The following LINGO2 variants were observed in gnomAD, a reference collection of about 807,000 sequenced individuals.
The protein encoded by LINGO2 is leucine-rich repeat and immunoglobulin-like domain-containing nogo receptor-interacting protein 2.
LINGO2 carries 14 observed loss-of-function variants against 30.6 expected under a neutral mutation model. The ratio of observed to expected loss-of-function variants is 0.46; its 90% CI spans 0.30 to 0.72. LINGO2 has a LOEUF of 0.72. LINGO2 is among the 30% of genes least tolerant of loss of function. LINGO2 has a pLI of 0.07. For synonymous variants in LINGO2, 317 were observed against 288.5 expected, an observed-to-expected ratio of 1.10 and a Z score of -1.00; for missense variants, 729 against 751.7, an observed-to-expected ratio of 0.97 and a Z score of 0.35.
intron 4 of LINGO2, among the ~76,000 whole-genome samples, chr9:28,196,584 T>C (rs921418835): frequency 6.6e-6 from 1 of 151,924 alleles, no homozygotes; most frequent in African/African-American, 2.4e-5. Context: ...TAATTTTTAC[T>C]AAGAAACAGA....
intron 2 of LINGO2, among the ~76,000 whole-genome samples, chr9:28,431,143 C>A (rs1823660777): frequency 6.6e-6 from 1 of 150,960 alleles, no homozygotes; most frequent in Admixed American, 6.6e-5. Flanking sequence ...CATATGTCAC[C>A]TTCTATTCAT....
At chr9:28,039,805 G>A (rs1292077387) in intron 4 of LINGO2, among the ~76,000 whole-genome samples, 1 of 152,128 alleles carries the variant, frequency 6.6e-6, no homozygotes, top group Non-Finnish European at 1.5e-5. Context: ...ACAAATGCCA[G>A]TGCCTCCCTT....
intron 5 of LINGO2, among the ~76,000 whole-genome samples, chr9:27,983,243 C>T (rs1242297341): frequency 6.6e-6 from 1 of 151,852 alleles, no homozygotes; most frequent in Non-Finnish European, 1.5e-5. Flanking sequence ...ACATAAAAAG[C>T]ATTAGTTAAT....
intron 3 of LINGO2, among the ~76,000 whole-genome samples, chr9:28,303,823 G>T (rs537649201): frequency 6.6e-6 from 1 of 152,080 alleles, no homozygotes; most frequent in Non-Finnish European, 1.5e-5. Context: ...TGTCTCTGGG[G>T]TGGCAGAAGA....
chr9:28,013,677 T>C (rs1822673809), intron 4 of LINGO2, among the ~76,000 whole-genome samples: 1 of 152,230 alleles, frequency 6.6e-6, no homozygotes, highest in Admixed American at 6.5e-5. Context: ...GGAGCTTTGC[T>C]TTATGGTTGG....
At chr9:28,379,929 T>C (rs1047362090) in intron 2 of LINGO2, among the ~76,000 whole-genome samples, 14 of 152,006 alleles carry the variant, frequency 9.2e-5, no homozygotes, top group African/African-American at 3.4e-4. Flanking sequence ...CTAGAGAAAT[T>C]TGAAGTAACA....
At chr9:28,841,606 G>A in the LINGO2 span, among the ~76,000 whole-genome samples, 1 of 151,640 alleles carries the variant, frequency 6.6e-6, no homozygotes, top group East Asian at 1.9e-4. Context: ...ACCAGAAGAT[G>A]ACAACGGCAA....
intron 2 of LINGO2, among the ~76,000 whole-genome samples, chr9:28,421,189 TTAATTTA>T (rs1201986832): frequency 6.6e-6 from 1 of 151,756 alleles, no homozygotes; most frequent in Admixed American, 6.6e-5. Flanking sequence ...AGAAAACAAT[TTAATTTA>T]TAATAGCATC....
the LINGO2 span, among the ~76,000 whole-genome samples, chr9:29,206,408 C>T: frequency 2.0e-5 from 3 of 152,206 alleles, no homozygotes; most frequent in South Asian, 2.1e-4. Flanking sequence ...CCCTTGCCAA[C>T]ACAAGGAGTC....
At chr9:28,274,050 A>G (rs1053989384) in intron 4 of LINGO2, among the ~76,000 whole-genome samples, 3 of 152,114 alleles carry the variant, frequency 2.0e-5, no homozygotes, top group Admixed American at 2.0e-4. Context: ...AGATGGGGAG[A>G]ATTGGATATA....
the LINGO2 span, among the ~76,000 whole-genome samples, chr9:28,930,088 TCA>T: frequency 6.6e-6 from 1 of 152,180 alleles, no homozygotes; most frequent in African/African-American, 2.4e-5. This position sits in a 1 kb window ranked among gnomAD's most constrained non-coding sequence, Gnocchi z 4.2. Context: ...CTACCCCTTT[TCA>T]CACTTTGTTC....
chr9:28,268,677 A>G (rs1228930471), intron 4 of LINGO2, among the ~76,000 whole-genome samples: 1 of 152,128 alleles, frequency 6.6e-6, no homozygotes, highest in Non-Finnish European at 1.5e-5. Context: ...TATGCTTTTC[A>G]TCAATTGCCT....
chr9:28,122,771 C>G (rs1267070035), intron 4 of LINGO2, among the ~76,000 whole-genome samples: 2 of 152,240 alleles, frequency 1.3e-5, no homozygotes, highest in South Asian at 2.1e-4. Context: ...TTTTTCAATT[C>G]ATTTCATATA....
Position 28,177,636 on chromosome 9 carries a change from T to C in LINGO2, c.-87+117572A>G, listed in dbSNP as rs140790068. Reference sequence around the variant, plus strand: ...GACACATTAAATGTTCCAACAAATATTGTTATGATTGCTATGGTGGAAATA... The same window carrying C: ...GACACATTAAATGTTCCAACAAATACTGTTATGATTGCTATGGTGGAAATA... On this transcript the variant is annotated intron_variant, in intron 4 of 5. Coordinates refer to ENST00000379992, the Ensembl canonical transcript of LINGO2. 1.6e-3 allele frequency among the ~76,000 whole-genome samples: 239 copies of C among 152,214 alleles called. 3 individuals are homozygous for C. Among genetic ancestry groups the C allele is most frequent in the African/African-American group, 4.8e-3 (201 of 41,526 alleles).
chr9:28,100,296 A>G (rs1355841018), intron 4 of LINGO2, among the ~76,000 whole-genome samples: 1 of 152,178 alleles, frequency 6.6e-6, no homozygotes, highest in East Asian at 1.9e-4. Flanking sequence ...ATCTCTTACA[A>G]TGTGAGCTCT....
At chr9:28,556,032 C>T (rs1054087065) in intron 1 of LINGO2, among the ~76,000 whole-genome samples, 1 of 152,048 alleles carries the variant, frequency 6.6e-6, no homozygotes, top group African/African-American at 2.4e-5. Context: ...AACCGACAGC[C>T]AATATCATAC....
chr9:29,068,339 T>A, the LINGO2 span, among the ~76,000 whole-genome samples: 1 of 151,792 alleles, frequency 6.6e-6, no homozygotes, highest in East Asian at 1.9e-4. Context: ...CCACCGCATA[T>A]AAAAAATAAG....
At chr9:28,494,701 A>G (rs989439212) in intron 1 of LINGO2, among the ~76,000 whole-genome samples, 4 of 152,234 alleles carry the variant, frequency 2.6e-5, no homozygotes, top group Admixed American at 6.5e-5. Context: ...TCTTTAAAGC[A>G]GCATGATTTA....
At chr9:28,611,119 A>G (rs148412536) in intron 1 of LINGO2, among the ~76,000 whole-genome samples, 2,016 of 152,284 alleles carry the variant, frequency 0.013, 45 homozygotes, top group African/African-American at 0.046. Flanking sequence ...GTTTTTGAAG[A>G]GAGGTTCTAT....
Sources: allele counts gnomAD v4.1 joint callset (sites outside exome capture counted in the v4.1 genomes callset), GRCh38; gene constraint gnomAD v4.1.1; non-coding constraint Gnocchi (gnomAD v3.1); transcripts MANE v1.5; gene names NCBI Gene and HGNC (gene_info 2026-07-23, HGNC 2026-07-21).